Variants in ADGRB3 observed in about 807,000 individuals in gnomAD.
ADGRB3 encodes the protein adhesion G protein-coupled receptor B3, also known as brain-specific angiogenesis inhibitor 3.
Under a neutral mutation model 193.4 loss-of-function variants are expected in ADGRB3, and 37 were observed. That is an observed-to-expected ratio of 0.19 (90% confidence interval 0.15 to 0.25). The LOEUF (loss-of-function observed/expected upper bound fraction) is 0.25, where lower values mean the gene tolerates loss of function less well. ADGRB3 is among the 10% of genes least tolerant of loss of function. ADGRB3 has a pLI of 1.00. For missense variants in ADGRB3, 1,637 were observed against 1,852.9 expected (o/e 0.88, Z 2.14); for synonymous variants, 690 against 644.2 (o/e 1.07, Z -1.08).
chr6:69,162,481 T>C (rs1775023572), intron 17 of ADGRB3, among the ~76,000 whole-genome samples: 1 of 152,106 alleles, frequency 6.6e-6, no homozygotes, highest in Admixed American at 6.6e-5. Context: ...ACAAGAAATA[T>C]ATTTTAGACT....
At chr6:68,733,429 G>A (rs1359944362) in intron 3 of ADGRB3, among the ~76,000 whole-genome samples, 1 of 151,640 alleles carries the variant, frequency 6.6e-6, no homozygotes, top group Non-Finnish European at 1.5e-5. Context: ...TATACAGTGT[G>A]AGCTAAACAA....
chr6:68,770,284 A>G (rs570219922), intron 3 of ADGRB3, among the ~76,000 whole-genome samples: 1 of 152,114 alleles, frequency 6.6e-6, no homozygotes, highest in Admixed American at 6.6e-5. Context: ...GGTAATGTAC[A>G]TCTCTGTCTT....
At chr6:69,233,118 C>A (rs1343777660) in intron 17 of ADGRB3, 172 bp from the exon 18 acceptor site, 1 of 930,894 alleles carries the variant, frequency 1.1e-6, no homozygotes, top group Non-Finnish European at 1.6e-6. Context: ...TCTCGCTTTG[C>A]ATTACTGGAG....
intron 3 of ADGRB3, among the ~76,000 whole-genome samples, chr6:68,840,276 T>G (rs1768125952): frequency 6.7e-6 from 1 of 149,978 alleles, no homozygotes; most frequent in African/African-American, 2.5e-5. Context: ...CTTTTTTCTG[T>G]AGAAGGAGAG....
chr6:69,368,159 AT>A (rs1769621614), intron 29 of ADGRB3, among the ~76,000 whole-genome samples: 2 of 152,108 alleles, frequency 1.3e-5, no homozygotes, highest in Non-Finnish European at 2.9e-5. Context: ...AAAAAAAAAG[AT>A]TGTCACAATG....
chr6:68,887,959 G>A (rs184109846), intron 3 of ADGRB3, among the ~76,000 whole-genome samples: 132 of 152,260 alleles, frequency 8.7e-4, no homozygotes, highest in African/African-American at 2.4e-3. Context: ...CAAGAGCTGA[G>A]TTTTCACCCT....
intron 8 of ADGRB3, among the ~76,000 whole-genome samples, chr6:68,958,232 A>T (rs1278208107): frequency 6.6e-6 from 1 of 152,160 alleles, no homozygotes; most frequent in Non-Finnish European, 1.5e-5. Flanking sequence ...ACTTTTGTTA[A>T]TTCTTAACAC....
intron 20 of ADGRB3, among the ~76,000 whole-genome samples, chr6:69,265,142 T>C (rs1045025171): frequency 7.2e-5 from 11 of 151,940 alleles, no homozygotes; most frequent in African/African-American, 2.7e-4. Context: ...ATAGAGCTTT[T>C]TAAAGCTGGG....
At chr6:69,298,882 T>C (rs933727234) in intron 20 of ADGRB3, among the ~76,000 whole-genome samples, 3 of 152,032 alleles carry the variant, frequency 2.0e-5, no homozygotes, top group Non-Finnish European at 4.4e-5. Context: ...TTTTCCTTTC[T>C]TTTGAATATA....
chr6:69,179,183 T>A (rs561396113), intron 17 of ADGRB3, among the ~76,000 whole-genome samples: 8 of 152,340 alleles, frequency 5.3e-5, no homozygotes, highest in South Asian at 2.1e-4. Flanking sequence ...ATTTCATTTT[T>A]AAAAAAATTA....
intron 15 of ADGRB3, among the ~76,000 whole-genome samples, chr6:69,060,220 T>TCTCTCTCTCTC (rs1771697794): frequency 2.8e-4 from 36 of 129,538 alleles, no homozygotes; most frequent in African/African-American, 6.6e-4. Flanking sequence ...CTCTCTCTCT[T>TCTCTCTCTCTC]TCTCTCTCTC....
chr6:68,967,377 T>C (rs1768413744), intron 8 of ADGRB3, among the ~76,000 whole-genome samples: 3 of 152,206 alleles, frequency 2.0e-5, no homozygotes, highest in Non-Finnish European at 2.9e-5. Context: ...AATCAGCTTC[T>C]TCCTGAACCA....
intron 31 of ADGRB3, among the ~76,000 whole-genome samples, chr6:69,387,552 T>C (rs1770101363): frequency 6.6e-6 from 1 of 152,184 alleles, no homozygotes; most frequent in East Asian, 1.9e-4. Context: ...TTTCCAGTTA[T>C]GGTAAGTGTT....
At chr6:68,701,458 T>TC (rs1438918442) in intron 3 of ADGRB3, among the ~76,000 whole-genome samples, 2 of 152,184 alleles carry the variant, frequency 1.3e-5, no homozygotes, top group Non-Finnish European at 2.9e-5. Context: ...CTCCAGGCTG[T>TC]CACTACCAAT....
At position 69,143,136 on chromosome 6, in the gene ADGRB3, A is replaced by G. The variant is rs374935139; in HGVS notation, c.2480+67098A>G. On this transcript the variant is annotated intron_variant, in intron 17 of 31. Coordinates refer to ENST00000370598, the MANE Select transcript of ADGRB3 (RefSeq NM_001704.3). Reference sequence around the variant, plus strand: ...CTTTGCATTTCTCTGATGATCAATGATATTGAGCACCTTTTCATATACCAG... The same window carrying G: ...CTTTGCATTTCTCTGATGATCAATGGTATTGAGCACCTTTTCATATACCAG... Among the ~76,000 whole-genome samples the G allele has an allele frequency of 7.1e-4, 108 of 152,232 alleles. 1 individual carries two copies. In the South Asian group the frequency reaches 0.017, roughly 25 times the overall value.
At chr6:68,859,055 G>T (rs1765073896) in intron 3 of ADGRB3, among the ~76,000 whole-genome samples, 1 of 151,868 alleles carries the variant, frequency 6.6e-6, no homozygotes, top group Admixed American at 6.6e-5. Flanking sequence ...TTTGTGCTCT[G>T]TCACCCTTTG....
intron 24 of ADGRB3, among the ~76,000 whole-genome samples, chr6:69,337,126 C>T (rs1469424723): frequency 1.3e-5 from 2 of 152,160 alleles, no homozygotes; most frequent in Non-Finnish European, 2.9e-5. Context: ...GTCTAAAATA[C>T]TTACACTATG....
intron 3 of ADGRB3, among the ~76,000 whole-genome samples, chr6:68,714,892 T>G (rs1437873617): frequency 1.3e-5 from 2 of 151,752 alleles, no homozygotes; most frequent in East Asian, 3.9e-4. Flanking sequence ...ACAGATGAGA[T>G]TAAGTGATCT....
In ADGRB3 at chr6:69,368,991, G is replaced by A. The variant is rs532204456; in HGVS notation, c.4240-3415G>A. Reference sequence around the variant, plus strand: ...TACTTTGAGAAAAAGGATTATTTACGTTAGGTTATTTGCAAAATTGGAATA... The same window carrying A: ...TACTTTGAGAAAAAGGATTATTTACATTAGGTTATTTGCAAAATTGGAATA... On this transcript the variant is annotated intron_variant, in intron 29 of 31. Transcript: ENST00000370598. Among the ~76,000 whole-genome samples the A allele has an allele frequency of 6.6e-5, 10 of 152,148 alleles. No individual in the cohort carries two copies. In the South Asian group the frequency reaches 1.0e-3, roughly 16 times the overall value.
Sources: gnomAD v4.1 joint callset for allele counts (sites outside exome capture counted in the v4.1 genomes callset) on GRCh38, gnomAD v4.1.1 for gene constraint, MANE v1.5 for transcripts, NCBI Gene and HGNC (gene_info 2026-07-23, HGNC 2026-07-21) for gene names.